The following SCLY variants were observed in gnomAD, a reference collection of about 807,000 sequenced individuals.
The protein encoded by SCLY is putative selenocysteine lyase.
SCLY carries 38 observed loss-of-function variants against 50.1 expected under a neutral mutation model. The observed-to-expected ratio is 0.76, with a 90% CI of 0.59 to 0.99. The LOEUF (loss-of-function observed/expected upper bound fraction) is 0.99. Ranked by LOEUF, SCLY falls within the 50% of genes least tolerant of loss-of-function variation. The pLI is 0.00. For synonymous variants in SCLY, 243 were observed against 249.4 expected, an observed-to-expected ratio of 0.97 and a Z score of 0.24; for missense variants, 600 against 620.0, an observed-to-expected ratio of 0.97 and a Z score of 0.34.
intron 11 of SCLY, among the ~76,000 whole-genome samples, chr2:238,097,465 C>T (rs376663038): frequency 6.0e-4 from 92 of 152,104 alleles, no homozygotes; most frequent in African/African-American, 1.7e-3. Context: ...TCGGAGTGGA[C>T]GCAGGAGGAA....
intron 4 of SCLY, among the ~76,000 whole-genome samples, chr2:238,075,110 T>C (rs2065160859): frequency 6.6e-6 from 1 of 152,200 alleles, no homozygotes; most frequent in Non-Finnish European, 1.5e-5. Context: ...GTTGGGTGTT[T>C]TTATCATGAA....
chr2:238,082,319 C>G, intron 6 of SCLY, 110 bp downstream of exon 6: 1 of 1,136,790 alleles, frequency 8.8e-7, no homozygotes, highest in Non-Finnish European at 1.2e-6. Context: ...GCCTTGGGGG[C>G]ACTGCGAGGA....
intron 10 of SCLY, chr2:238,094,779 G>A (rs145501870): frequency 1.1e-5 from 5 of 437,300 alleles, no homozygotes; most frequent in East Asian, 3.5e-5. Flanking sequence ...GCAAACTCTC[G>A]TGTCTGGCAT....
At chr2:238,068,250 CA>C in intron 3 of SCLY, 85 bp downstream of exon 3, 1 of 1,087,650 alleles carries the variant, frequency 9.2e-7, no homozygotes, top group Non-Finnish European at 1.3e-6. Flanking sequence ...GCTACATTTT[CA>C]TTTAAAGAAA....
intron 4 of SCLY, chr2:238,080,729 C>G (rs2065228308): frequency 6.6e-6 from 1 of 152,286 alleles, no homozygotes; most frequent in African/African-American, 2.4e-5. Context: ...GTCAGCACCT[C>G]TGCCGCTGAC....
At chr2:238,084,945 T>TG (rs202244051) in intron 7 of SCLY, among the ~76,000 whole-genome samples, 1 of 33,084 alleles carries the variant, frequency 3.0e-5, no homozygotes, top group African/African-American at 2.4e-4. Context: ...TTGGCAGTGA[T>TG]GGTGGCATAC....
At chr2:238,085,443 G>T (rs2065283935) in intron 7 of SCLY, among the ~76,000 whole-genome samples, 1 of 151,728 alleles carries the variant, frequency 6.6e-6, no homozygotes, top group South Asian at 2.1e-4. Context: ...CTTCGGCTGG[G>T]TGCTGTGGCT....
rs199887312 is a variant in SCLY, at chr2:238,098,694, T to TC, written c.*339_*340insC. 1,981 of 158,572 alleles carry TC rather than the reference T, an allele frequency of 0.012. 52 individuals are homozygous for TC. The highest frequency in any genetic ancestry group is 0.09 in the African/African-American group (1,872 of 20,826). 9.8% of individuals were successfully genotyped at this position (158,572 alleles called of 1,614,324 possible). ...CCTCCAGTGGTGAAGCGGAAACACT[T>TC]AGCTTTATCCACCCTCCCCACTGGG... is the stretch of plus-strand genomic sequence containing the variant. On this transcript the variant is annotated 3_prime_UTR_variant, in exon 12 of 12. Transcript: ENST00000254663.
rs78235106 is a variant in SCLY, at chr2:238,099,080, G to A, written c.*725G>A. 782 of 358,312 alleles carry A rather than the reference G, an allele frequency of 2.2e-3. 4 individuals carry two copies. Among genetic ancestry groups the A allele is most frequent in the African/African-American group, 0.015 (698 of 45,992 alleles). 22.2% of individuals were successfully genotyped at this position (358,312 alleles called of 1,614,324 possible). On this transcript the variant is annotated 3_prime_UTR_variant, in exon 12 of 12. Coordinates refer to ENST00000254663, the MANE Select transcript of SCLY (RefSeq NM_016510.7). ...CAGGGCTGCGCACTTCCCTGTCCAC[G>A]GTCCCCAGGCCTTCCTGTCTTGTCC...
intron 4 of SCLY, among the ~76,000 whole-genome samples, chr2:238,076,311 C>T (rs573087746): frequency 1.4e-4 from 22 of 152,156 alleles, no homozygotes; most frequent in Admixed American, 1.0e-3. Context: ...GGGCTTGTCT[C>T]GAACTCCTGA....
intron 2 of SCLY, among the ~76,000 whole-genome samples, chr2:238,065,660 T>TTTATTTTTATTATTATTA (rs1553564088): frequency 2.8e-5 from 4 of 143,514 alleles, no homozygotes; most frequent in African/African-American, 1.0e-4. Flanking sequence ...AATATTTTAT[T>TTTATTTTTATTATTATTA]TTATTATTAT....
intron 1 of SCLY, among the ~76,000 whole-genome samples, chr2:238,062,311 A>C (rs887711582): frequency 7.9e-5 from 12 of 152,328 alleles, no homozygotes; most frequent in African/African-American, 2.9e-4. Context: ...TGCAAAGTCA[A>C]GCCGGGCTGG....
intron 1 of SCLY, among the ~76,000 whole-genome samples, chr2:238,063,021 C>G (rs1253525798): frequency 6.6e-6 from 1 of 152,140 alleles, no homozygotes; most frequent in African/African-American, 2.4e-5. Flanking sequence ...AAATCAGGCC[C>G]CTGTTGTGTG....
At chr2:238,091,561 G>GTATTT in intron 8 of SCLY, 1 of 302,720 alleles carries the variant, frequency 3.3e-6, no homozygotes. Context: ...ATTCCCAAAG[G>GTATTT]CGTCGGCAGC....
intron 2 of SCLY, among the ~76,000 whole-genome samples, chr2:238,065,767 C>T (rs939976100): frequency 2.0e-5 from 3 of 151,518 alleles, no homozygotes; most frequent in Non-Finnish European, 4.4e-5. Flanking sequence ...CTCCGCCTCC[C>T]GGATTCAAGC....
intron 4 of SCLY, among the ~76,000 whole-genome samples, chr2:238,074,966 A>G (rs551523783): frequency 6.6e-6 from 1 of 152,342 alleles, no homozygotes; most frequent in South Asian, 2.1e-4. Context: ...GAAGTGGCCA[A>G]GGTGGATATC....
rs1419182333 is a variant in SCLY at position 238,093,999 on chromosome 2, C to A, written c.1005+55C>A. The A allele has an allele frequency of 2.7e-6, 4 of 1,505,702 alleles. No homozygotes were observed. In the African/African-American group the frequency reaches 5.5e-5, roughly 21 times the overall value. The allele number at this position is 1,505,702 out of a possible 1,614,324, so 93.3% of individuals were successfully genotyped here. A position where few individuals can be genotyped will look rare whatever the true frequency, so the allele number is the denominator to read the frequency against. Reference sequence around the variant, plus strand: ...GGGGGAGGGTGCGTGGGGCAGGTGCCCAGAGAGGAGGGGTGTGGTGCTCCC... The same window carrying A: ...GGGGGAGGGTGCGTGGGGCAGGTGCACAGAGAGGAGGGGTGTGGTGCTCCC... On this transcript the variant is annotated intron_variant, in intron 9 of 11. Transcript: ENST00000254663.
Position 238,064,754 on chromosome 2 carries a change from CA to C in SCLY, c.202+286del. 4 of 225,268 alleles carry C rather than the reference CA, an allele frequency of 1.8e-5. No individual in the cohort carries two copies. The South Asian group carries it at 2.3e-4, about 13-fold the overall frequency. 14.0% of individuals were successfully genotyped at this position (225,268 alleles called of 1,614,324 possible). A position where few individuals can be genotyped will look rare whatever the true frequency, so the allele number is the denominator to read the frequency against. On this transcript the variant is annotated intron_variant, in intron 2 of 11. Transcript: ENST00000254663. ...GTCTACTGAGAGTTCCTTGAAGTAG[CA>C]GTCAGTACCTGTGGAGCACTTCACA...
At chr2:238,076,640 C>T (rs1197795162) in intron 4 of SCLY, among the ~76,000 whole-genome samples, 1 of 150,914 alleles carries the variant, frequency 6.6e-6, no homozygotes, top group African/African-American at 2.4e-5. Flanking sequence ...TATCTGCTGA[C>T]CTTCCCTCCA....
Sources: gnomAD v4.1 joint callset for allele counts (sites outside exome capture counted in the v4.1 genomes callset) on GRCh38, gnomAD v4.1.1 for gene constraint, MANE v1.5 for transcripts, NCBI Gene and HGNC (gene_info 2026-07-23, HGNC 2026-07-21) for gene names.